CLPTM1L: variants seen among roughly 807,000 people sequenced by gnomAD.
CLPTM1L encodes lipid scramblase CLPTM1L.
In CLPTM1L, 38 loss-of-function variants were observed where a neutral mutation model predicts 70.9. The observed-to-expected ratio is 0.54, with a 90% CI of 0.41 to 0.70. CLPTM1L has a LOEUF of 0.70. CLPTM1L is among the 30% of genes least tolerant of loss of function. The pLI, the probability that CLPTM1L is intolerant of heterozygous loss-of-function variation, is 0.00. For missense variants in CLPTM1L, 652 were observed against 705.9 expected (o/e 0.92, Z 0.87); for synonymous variants, 339 against 299.9 (o/e 1.13, Z -1.35).
chr5:1,336,271 C>G (rs557618983), intron 5 of CLPTM1L, among the ~76,000 whole-genome samples: 47 of 152,338 alleles, frequency 3.1e-4, no homozygotes, highest in African/African-American at 1.1e-3. Context: ...TGCTTCCTCT[C>G]TCAAGACAGC....
At chr5:1,326,735 T>A (rs1248843469) in intron 9 of CLPTM1L, among the ~76,000 whole-genome samples, 13 of 149,914 alleles carry the variant, frequency 8.7e-5, no homozygotes, top group African/African-American at 2.5e-4. Flanking sequence ...TACGGGGACA[T>A]TTCATCCAGC....
rs2111266192 is a variant in CLPTM1L at position 1,344,984 on chromosome 5, G to C, written c.-143C>G. 3.2e-6 allele frequency: 1 copy of C among 312,818 alleles called. No individual in the cohort carries two copies. The highest frequency in any genetic ancestry group is 1.1e-4 in the South Asian group (1 of 8,910). 19.4% of individuals were successfully genotyped at this position (312,818 alleles called of 1,614,324 possible). The stretch of plus-strand genomic sequence containing the variant: ...CCGCCACCGCCGCGGGGGAACGAAT[G>C]CGCCGCGCGCCGCAGACCGCCGGCC... On this transcript the variant is annotated 5_prime_UTR_variant, in exon 1 of 17. Coordinates refer to ENST00000320895, the MANE Select transcript of CLPTM1L (RefSeq NM_030782.5).
intron 10 of CLPTM1L, 33 bp from the exon 11 acceptor site, chr5:1,324,846 G>A (rs766970682): frequency 6.3e-7 from 1 of 1,595,762 alleles, no homozygotes; most frequent in Non-Finnish European, 8.6e-7. Flanking sequence ...GATATTAATA[G>A]ACTCAGGGAG....
chr5:1,331,655 C>T, intron 8 of CLPTM1L, 144 bp downstream of exon 8: 3 of 690,672 alleles, frequency 4.3e-6, no homozygotes, highest in South Asian at 3.4e-5. Context: ...TTTACGGTGC[C>T]TGGTCTCAGA....
In CLPTM1L at chr5:1,331,851, G is replaced by A. The variant is rs199975249; in HGVS notation, c.924C>T (p.Asp308=). The change falls in exon 8 of 17, where the codon GAC becomes GAT. Residue 308 remains aspartate, a synonymous_variant. Transcript: ENST00000320895. ...TCTTCTTCTTCTTCCAGAAACTGAT[G>A]TCATTTTTAAAGGCCAGGAAATCAA... The part of the protein sequence containing the change: ...LLFDFLAFKN[D]ISFWKKKKSM... The A allele has an allele frequency of 1.9e-6, 3 of 1,613,334 alleles. No homozygotes were observed. The highest frequency in any genetic ancestry group is 2.7e-5 in the African/African-American group (2 of 74,932).
intron 2 of CLPTM1L, among the ~76,000 whole-genome samples, chr5:1,344,056 A>G (rs951129008): frequency 6.6e-6 from 1 of 152,182 alleles, no homozygotes; most frequent in Non-Finnish European, 1.5e-5. Flanking sequence ...TCTGCTCTCC[A>G]CTGGTTCACC....
At chr5:1,343,827 C>T (rs1177023453) in intron 2 of CLPTM1L, among the ~76,000 whole-genome samples, 1 of 152,142 alleles carries the variant, frequency 6.6e-6, no homozygotes, top group Non-Finnish European at 1.5e-5. Context: ...TAAAAGTATA[C>T]TTATTCAATT....
intron 15 of CLPTM1L, 109 bp downstream of exon 15, chr5:1,321,526 G>A (rs1020337387): frequency 5.3e-6 from 5 of 949,596 alleles, no homozygotes; most frequent in Non-Finnish European, 8.6e-6. Flanking sequence ...AGGGACAGGT[G>A]CAGATGCACT....
At chr5:1,330,672 G>A (rs1281610014) in intron 8 of CLPTM1L, 9 of 445,738 alleles carry the variant, frequency 2.0e-5, no homozygotes, top group African/African-American at 2.0e-5. Flanking sequence ...GTCGGATGAC[G>A]GGGCCAGCAC....
chr5:1,325,989 C>A (rs1752509746), intron 9 of CLPTM1L, 173 bp from the exon 10 acceptor site: 1 of 599,088 alleles, frequency 1.7e-6, no homozygotes, highest in Non-Finnish European at 3.0e-6. Flanking sequence ...GGACCTGGGC[C>A]TCTAACCCAC....
In CLPTM1L at chr5:1,338,843, T is replaced by A; in HGVS notation, c.599+17A>T. On this transcript the variant is annotated intron_variant, in intron 4 of 16. Coordinates refer to ENST00000320895, the MANE Select transcript of CLPTM1L (RefSeq NM_030782.5). ...AGCACCCTCCCCCCGGCGCTCCAGC[T>A]CTGGGGCCCCACTTACATCTTCATG... The A allele has an allele frequency of 6.2e-7, 1 of 1,612,808 alleles. No individual in the cohort carries two copies. The highest frequency in any genetic ancestry group is 8.5e-7 in the Non-Finnish European group (1 of 1,179,844).
chr5:1,338,362 C>T (rs950800633), intron 4 of CLPTM1L: 3 of 293,802 alleles, frequency 1.0e-5, no homozygotes, highest in African/African-American at 2.1e-5. Flanking sequence ...CTTGGAAGGG[C>T]GAGTCACCTG....
chr5:1,323,965 C>A, intron 11 of CLPTM1L, 96 bp from the exon 12 acceptor site: 2 of 951,076 alleles, frequency 2.1e-6, no homozygotes, highest in Admixed American at 1.9e-5. Flanking sequence ...ACAGACAGAA[C>A]GAGCTACAGC....
At position 1,342,662 on chromosome 5, in the gene CLPTM1L, A is replaced by G. The variant is rs1056482433; in HGVS notation, c.264-802T>C. On this transcript the variant is annotated intron_variant, in intron 2 of 16. Transcript: ENST00000320895. This position sits in a 1 kb window ranked among gnomAD's most constrained non-coding sequence, Gnocchi z 4.3. ...AAGTGTAGGGGTGCAATCACAGCTC[A>G]CTGCATCCTCAACCTCCTGAGCTCA... Among the ~76,000 whole-genome samples, 1 of 152,234 alleles carries G rather than the reference A, an allele frequency of 6.6e-6. No homozygotes were observed. Among genetic ancestry groups the G allele is most frequent in the African/African-American group, 2.4e-5 (1 of 41,466 alleles).
rs1754001557 is a variant in CLPTM1L, at chr5:1,342,295, C to T, written c.264-435G>A. On this transcript the variant is annotated intron_variant, in intron 2 of 16. Transcript: ENST00000320895. This position sits in a 1 kb window ranked among gnomAD's most constrained non-coding sequence, Gnocchi z 4.3. Reference sequence around the variant, plus strand: ...GCAGCAGCCACGAGGGCTCCAGGTGCCTCGGCCCACACTACTGGAACCTCA... The same window carrying T: ...GCAGCAGCCACGAGGGCTCCAGGTGTCTCGGCCCACACTACTGGAACCTCA... Among the ~76,000 whole-genome samples the T allele has an allele frequency of 6.6e-6, 1 of 152,168 alleles. No homozygotes were observed. Among genetic ancestry groups the T allele is most frequent in the South Asian group, 2.1e-4 (1 of 4,824 alleles).
In CLPTM1L at chr5:1,334,339, C is replaced by G. The variant is rs918419387; in HGVS notation, c.841G>C (p.Asp281His). The G allele has an allele frequency of 1.9e-6, 3 of 1,613,748 alleles. No individual in the cohort carries two copies. The highest frequency in any genetic ancestry group is 2.5e-6 in the Non-Finnish European group (3 of 1,179,760). The change falls in exon 7 of 17, where the codon GAT becomes CAT. Residue 281 changes from aspartate (D) to histidine (H), a missense_variant. By Grantham distance (81) the Asp-to-His change is moderately conservative. Coordinates refer to ENST00000320895, the MANE Select transcript of CLPTM1L (RefSeq NM_030782.5). ...DADEVKGIFV[D>H]TNLYFLALTF... ...AGCGCCAGGAAGTATAAGTTGGTAT[C>G]TACAAAAATTCCTTTCACCTCATCA...
chr5:1,331,943 C>T (rs1307096149), intron 7 of CLPTM1L, 60 bp from the exon 8 acceptor site: 23 of 1,410,038 alleles, frequency 1.6e-5, no homozygotes, highest in Non-Finnish European at 2.2e-5. Flanking sequence ...TCCTGTGAGA[C>T]AGAGATAGAG....
At chr5:1,326,669 C>T (rs1354696658) in intron 9 of CLPTM1L, among the ~76,000 whole-genome samples, 3 of 152,024 alleles carry the variant, frequency 2.0e-5, no homozygotes, top group South Asian at 2.1e-4. Flanking sequence ...TCCTCCTCTA[C>T]GGGGACATTC....
At chr5:1,332,096 C>A in intron 7 of CLPTM1L, 1 of 583,780 alleles carries the variant, frequency 1.7e-6, no homozygotes, top group East Asian at 2.8e-5. Context: ...TGCAGGGGCA[C>A]TTCTGAAATA....
Sources: allele counts gnomAD v4.1 joint callset (sites outside exome capture counted in the v4.1 genomes callset), GRCh38; gene constraint gnomAD v4.1.1; non-coding constraint Gnocchi (gnomAD v3.1); transcripts MANE v1.5; gene names NCBI Gene and HGNC (gene_info 2026-07-23, HGNC 2026-07-21).